Variants in ANKRD13A observed in about 807,000 individuals in gnomAD.
ANKRD13A encodes the protein ankyrin repeat domain 13A, also known as ankyrin repeat domain-containing protein 13A.
A neutral mutation model predicts 81.3 loss-of-function variants in ANKRD13A; 48 were observed. The ratio of observed to expected loss-of-function variants is 0.59; its 90% CI spans 0.47 to 0.75. ANKRD13A has a LOEUF of 0.75. Ranked by LOEUF, ANKRD13A falls within the 30% of genes least tolerant of loss-of-function variation. The pLI is 0.00. For missense variants in ANKRD13A, 612 were observed against 734.0 expected, an observed-to-expected ratio of 0.83 and a Z score of 1.92; for synonymous variants, 230 against 270.1, an observed-to-expected ratio of 0.85 and a Z score of 1.45.
In ANKRD13A at chr12:110,036,463, AAGT is replaced by A; in HGVS notation, c.1577+138_1577+140del. The stretch of plus-strand genomic sequence containing the variant: ...ACAAACTGGCAGGAAAGACTAGAAA[AAGT>A]AGGCCAGGAGCGGTGGCTCACGCCT... On this transcript the variant is annotated intron_variant, in intron 14 of 14. Coordinates refer to ENST00000261739, the MANE Select transcript of ANKRD13A (RefSeq NM_033121.2). This position sits in a 1 kb window ranked among gnomAD's most constrained non-coding sequence, Gnocchi z 4.6. The A allele has an allele frequency of 1.0e-6, 1 of 984,938 alleles. No individual in the cohort carries two copies. The highest frequency in any genetic ancestry group is 1.3e-5 in the South Asian group (1 of 74,896). The allele number at this position is 984,938 out of a possible 1,614,324, so 61.0% of individuals were successfully genotyped here.
At chr12:110,023,834 G>A (rs372283583) in intron 6 of ANKRD13A, 2 of 478,430 alleles carry the variant, frequency 4.2e-6, no homozygotes, top group East Asian at 3.3e-5. Context: ...TATGCCTGGG[G>A]TGAGGCAAAT....
At chr12:110,011,710 TG>T (rs1890534050) in intron 1 of ANKRD13A, among the ~76,000 whole-genome samples, 1 of 152,242 alleles carries the variant, frequency 6.6e-6, no homozygotes, top group Non-Finnish European at 1.5e-5. Context: ...AGACTTAATT[TG>T]AGTGCTGTTG....
intron 10 of ANKRD13A, chr12:110,029,014 G>C (rs902009177): frequency 5.3e-6 from 1 of 189,352 alleles, no homozygotes; most frequent in East Asian, 1.5e-4. Context: ...GGGATTACAG[G>C]CATGAGCCAC....
chr12:110,030,354 A>C (rs1891606875), intron 11 of ANKRD13A, among the ~76,000 whole-genome samples: 1 of 151,888 alleles, frequency 6.6e-6, no homozygotes, highest in East Asian at 1.9e-4. Flanking sequence ...TTTAGTAGAG[A>C]TGGGGTTTTA....
chr12:110,023,968 A>G lies in ANKRD13A; in HGVS notation c.735-78A>G, dbSNP rs545633105. The stretch of plus-strand genomic sequence containing the variant: ...TCACTAACTTAAGCTGGGGGGGAAA[A>G]AAACTATAAAGGCTACAGATATAAA... On this transcript the variant is annotated intron_variant, in intron 6 of 14. Coordinates refer to ENST00000261739, the MANE Select transcript of ANKRD13A (RefSeq NM_033121.2). The G allele has an allele frequency of 7.6e-6, 11 of 1,446,318 alleles. No homozygotes were observed. The East Asian group carries it at 9.1e-5, about 12-fold the overall frequency. The allele number at this position is 1,446,318 out of a possible 1,614,324, so 89.6% of individuals were successfully genotyped here.
intron 13 of ANKRD13A, 33 bp downstream of exon 13, chr12:110,033,990 G>A (rs777618329): frequency 2.2e-5 from 34 of 1,572,782 alleles, no homozygotes; most frequent in Non-Finnish European, 2.9e-5. Flanking sequence ...ATGGCAGGGC[G>A]TGGGAGGTCT....
Position 110,017,999 on chromosome 12 carries a change from G to GC in ANKRD13A, c.401-346_401-345insC, listed in dbSNP as rs1208087736. On this transcript the variant is annotated intron_variant, in intron 4 of 14. Coordinates refer to ENST00000261739, the MANE Select transcript of ANKRD13A (RefSeq NM_033121.2). ...GAATGGTGGATATGACAATATGGTAGGCCACAGCCATATGGCAAGAGTTGC... is the reference window on the plus strand; with the variant it reads ...GAATGGTGGATATGACAATATGGTAGCGCCACAGCCATATGGCAAGAGTTGC... Among the ~76,000 whole-genome samples the GC allele has an allele frequency of 6.6e-5, 10 of 152,218 alleles. No individual in the cohort carries two copies. The South Asian group carries it at 1.0e-3, about 16-fold the overall frequency.
intron 1 of ANKRD13A, among the ~76,000 whole-genome samples, chr12:110,009,487 T>G (rs1398238923): frequency 1.3e-5 from 2 of 152,248 alleles, no homozygotes; most frequent in East Asian, 1.9e-4. Flanking sequence ...CCCTGGTCTA[T>G]CTAACTAAAT....
In ANKRD13A at chr12:110,014,425, TAAAAA is replaced by T. The variant is rs1181800735; in HGVS notation, c.354+1177_354+1181del. ...AGACTCCATCTCAAAAAATAAAAAATAAAAATAAAAATTAGTGTCAAGGATTTTAA... is the reference window on the plus strand; with the variant it reads ...AGACTCCATCTCAAAAAATAAAAAATTAAAAATTAGTGTCAAGGATTTTAA... On this transcript the variant is annotated intron_variant, in intron 3 of 14. Coordinates refer to ENST00000261739, the MANE Select transcript of ANKRD13A (RefSeq NM_033121.2). 2.6e-5 allele frequency among the ~76,000 whole-genome samples: 4 copies of T among 151,986 alleles called. No individual in the cohort carries two copies. In the East Asian group the frequency reaches 7.7e-4, roughly 29 times the overall value.
chr12:109,999,502 C>A lies in ANKRD13A; in HGVS notation c.-187C>A, dbSNP rs1889822519. On this transcript the variant is annotated 5_prime_UTR_variant, in exon 1 of 15. Coordinates refer to ENST00000261739, the MANE Select transcript of ANKRD13A (RefSeq NM_033121.2). This position sits in a 1 kb window ranked among gnomAD's most constrained non-coding sequence, Gnocchi z 4.3. ...GCGGGGTGGGCGCGGCCGACCTGGT[C>A]CCTGAGCCGGCCGGCGACCCCGGAC... 9.7e-6 allele frequency: 3 copies of A among 308,578 alleles called. No homozygotes were observed. Among genetic ancestry groups the A allele is most frequent in the Admixed American group, 1.0e-4 (2 of 19,576 alleles). The allele number at this position is 308,578 out of a possible 1,614,324, so 19.1% of individuals were successfully genotyped here.
intron 1 of ANKRD13A, among the ~76,000 whole-genome samples, chr12:110,000,591 T>C (rs928618998): frequency 6.6e-6 from 1 of 152,104 alleles, no homozygotes; most frequent in Non-Finnish European, 1.5e-5. Context: ...GGGACATTTT[T>C]GGTTGTTGAA....
Position 110,028,585 on chromosome 12 carries a change from T to C in ANKRD13A, c.1019T>C (p.Phe340Ser), listed in dbSNP as rs1339570086. 6.2e-7 allele frequency: 1 copy of C among 1,614,102 alleles called. No individual in the cohort carries two copies. Among genetic ancestry groups the C allele is most frequent in the African/African-American group, 1.3e-5 (1 of 74,930 alleles). ...CCTGATGAGTACTTCAATGAAGAGT[T>C]TGATCTGAAAGACAGGGACATTGGA... ...ITPDEYFNEE[F>S]DLKDRDIGRP... The change falls in exon 10 of 15, where the codon TTT becomes TCT. Residue 340 changes from phenylalanine to serine, a missense_variant. Coordinates refer to ENST00000261739, the MANE Select transcript of ANKRD13A (RefSeq NM_033121.2).
rs568877117 is a variant in ANKRD13A, at chr12:109,999,503, C to G, written c.-186C>G. On this transcript the variant is annotated 5_prime_UTR_variant, in exon 1 of 15. Coordinates refer to ENST00000261739, the MANE Select transcript of ANKRD13A (RefSeq NM_033121.2). The surrounding 1 kb of genome is among the most constrained non-coding windows in gnomAD (Gnocchi z 4.3). ...CGGGGTGGGCGCGGCCGACCTGGTC[C>G]CTGAGCCGGCCGGCGACCCCGGACC... 9.7e-6 allele frequency: 3 copies of G among 310,536 alleles called. No homozygotes were observed. Among genetic ancestry groups the G allele is most frequent in the Admixed American group, 1.0e-4 (2 of 19,610 alleles). 19.2% of individuals were successfully genotyped at this position (310,536 alleles called of 1,614,324 possible).
chr12:110,016,274 T>A, intron 3 of ANKRD13A, 114 bp from the exon 4 acceptor site: 2 of 802,532 alleles, frequency 2.5e-6, no homozygotes, highest in Non-Finnish European at 3.7e-6. Context: ...TTTCTTCTTA[T>A]TTTCTCTTTT....
rs781353037 is a variant in ANKRD13A at position 110,013,185 on chromosome 12, G to A, written c.290G>A (p.Arg97Gln). ...ATGGTGTACACAGTTCTCCAACATC[G>A]AGACTACCACAACACATCCATGGCC... ...PEMVYTVLQH[R>Q]DYHNTSMALE... Residue 97 changes from arginine (R) to glutamine (Q), a missense_variant, in exon 3 of 15, where the codon CGA (arginine) becomes CAA (glutamine). Arg to Gln is a conservative substitution (Grantham distance 43). Transcript: ENST00000261739. 17 of 1,613,936 alleles carry A rather than the reference G, an allele frequency of 1.1e-5. No homozygotes were observed. The East Asian group carries it at 1.3e-4, about 13-fold the overall frequency.
intron 12 of ANKRD13A, among the ~76,000 whole-genome samples, chr12:110,031,514 C>G (rs1757804412): frequency 6.6e-6 from 1 of 152,112 alleles, no homozygotes; most frequent in Non-Finnish European, 1.5e-5. Flanking sequence ...CCATGCCTGG[C>G]TGATTTTTGT....
chr12:110,012,176 C>T (rs754581293), intron 2 of ANKRD13A, 39 bp downstream of exon 2: 1 of 1,565,030 alleles, frequency 6.4e-7, no homozygotes, highest in South Asian at 1.1e-5. Flanking sequence ...TCCGTCTGAG[C>T]ACCATGGTGA....
rs780466148 is a variant in ANKRD13A, at chr12:110,028,554, A to G, written c.988A>G (p.Ile330Val). 3.1e-6 allele frequency: 5 copies of G among 1,614,202 alleles called. No individual in the cohort carries two copies. In the South Asian group the frequency reaches 4.4e-5, roughly 14 times the overall value. ...TGCTACTGCAAACAACCCCACAGCC[A>G]TCACGCCTGATGAGTACTTCAATGA... ...ECATANNPTAITPDEYFNEEF... is the reference protein window; with the variant it reads ...ECATANNPTAVTPDEYFNEEF... Residue 330 changes from isoleucine (I) to valine (V), a missense_variant, in exon 10 of 15, where the codon ATC becomes GTC. Ile to Val is a conservative substitution (Grantham distance 29, BLOSUM62 3). Transcript: ENST00000261739.
rs750432364 is a variant in ANKRD13A at position 110,018,714 on chromosome 12, T to C, written c.544+226T>C. On this transcript the variant is annotated intron_variant, in intron 5 of 14. Transcript: ENST00000261739. The surrounding 1 kb of genome is among the most constrained non-coding windows in gnomAD (Gnocchi z 4.4). ...CCACCCAGCAGTTACCCTTGTGATG[T>C]GTCTGCTTCACTTTCCTGAGCCTTT... Among the ~76,000 whole-genome samples the C allele has an allele frequency of 6.6e-6, 1 of 152,224 alleles. No individual in the cohort carries two copies. The highest frequency in any genetic ancestry group is 1.5e-5 in the Non-Finnish European group (1 of 68,040).
Sources: gnomAD v4.1 joint callset for allele counts (sites outside exome capture counted in the v4.1 genomes callset) on GRCh38, gnomAD v4.1.1 for gene constraint, Gnocchi (gnomAD v3.1) non-coding constraint, MANE v1.5 for transcripts, NCBI Gene and HGNC (gene_info 2026-07-23, HGNC 2026-07-21) for gene names.